Variants in TGM5 observed in about 807,000 individuals in gnomAD.
TGM5 encodes the protein transglutaminase 5.
TGM5 carries 69 observed loss-of-function variants against 77.2 expected under a neutral mutation model. The ratio of observed to expected loss-of-function variants is 0.89; its 90% CI spans 0.74 to 1.09. The LOEUF is 1.09. TGM5 is among the 50% of genes least tolerant of loss of function. The pLI, the probability that TGM5 is intolerant of heterozygous loss-of-function variation, is 0.00. For missense variants in TGM5, 842 were observed against 896.5 expected (o/e 0.94, Z 0.78); for synonymous variants, 346 against 351.8 (o/e 0.98, Z 0.18).
At chr15:43,234,714 C>G (rs1014717944) in intron 11 of TGM5, 55 bp downstream of exon 11, 56 of 1,611,940 alleles carry the variant, frequency 3.5e-5, no homozygotes, top group Admixed American at 2.7e-4. Flanking sequence ...GGGCTTCACC[C>G]CCTCCCCGCC....
At chr15:43,236,338 T>G (rs748562461) in intron 9 of TGM5, among the ~76,000 whole-genome samples, 2 of 152,186 alleles carry the variant, frequency 1.3e-5, no homozygotes, top group Non-Finnish European at 2.9e-5. Flanking sequence ...AGGCATAGAC[T>G]AATTCCTGGA....
intron 1 of TGM5, among the ~76,000 whole-genome samples, chr15:43,265,351 A>G (rs11853991): frequency 0.3 from 45,025 of 152,156 alleles, 7,018 homozygotes; most frequent in Middle Eastern, 0.42. Context: ...TTTACCTAAC[A>G]GTGGAAAAAG....
intron 9 of TGM5, among the ~76,000 whole-genome samples, chr15:43,236,399 G>A (rs1204714532): frequency 6.6e-6 from 1 of 152,188 alleles, no homozygotes; most frequent in Non-Finnish European, 1.5e-5. Context: ...TATGAGAGGA[G>A]GTCTAGGCGT....
chr15:43,243,126 G>A (rs117832164), intron 6 of TGM5, among the ~76,000 whole-genome samples: 350 of 152,334 alleles, frequency 2.3e-3, no homozygotes, highest in Admixed American at 5.3e-3. Flanking sequence ...GCACTTTGAA[G>A]TTCTCCATTA....
chr15:43,235,506 C>G lies in TGM5; in HGVS notation c.1677G>C (p.Trp559Cys). The G allele has an allele frequency of 1.9e-6, 3 of 1,614,140 alleles. No individual in the cohort carries two copies. Among genetic ancestry groups the G allele is most frequent in the Non-Finnish European group, 2.5e-6 (3 of 1,180,026 alleles). ...LHDGSPLSPF[W>C]QDTAFITLSP... is the part of the protein sequence containing the mutation. ...AGAGTGTGATGAACGCTGTGTCCTG[C>G]CAGAATGGGGACAGGGGGCTGCCAT... is the stretch of plus-strand genomic sequence containing the variant. Residue 559 changes from tryptophan to cysteine, a missense_variant, in exon 10 of 13, where the codon TGG becomes TGC. Trp to Cys is a radical substitution (Grantham distance 215). Transcript: ENST00000220420.
intron 1 of TGM5, among the ~76,000 whole-genome samples, chr15:43,260,982 T>C (rs2042781626): frequency 6.6e-6 from 1 of 151,652 alleles, no homozygotes; most frequent in South Asian, 2.1e-4. Context: ...CACTTGCGCC[T>C]GTACTAGCCT....
chr15:43,266,145 A>G (rs2142389672), intron 1 of TGM5, among the ~76,000 whole-genome samples: 1 of 152,362 alleles, frequency 6.6e-6, no homozygotes, highest in African/African-American at 2.4e-5. Flanking sequence ...TACTCCAACT[A>G]TGTATTCCCA....
chr15:43,240,182 C>T (rs1264077845), intron 7 of TGM5, among the ~76,000 whole-genome samples: 1 of 152,130 alleles, frequency 6.6e-6, no homozygotes, highest in Non-Finnish European at 1.5e-5. Context: ...ATCTGACCTA[C>T]CTTGTTTGAC....
chr15:43,263,501 A>T (rs560134), intron 1 of TGM5, among the ~76,000 whole-genome samples: 72,515 of 152,212 alleles, frequency 0.48, 22,088 homozygotes, highest in African/African-American at 0.87. Context: ...AGTCTAGCAA[A>T]AAACTCCCAT....
chr15:43,244,014 C>A (rs2042655652), intron 6 of TGM5, among the ~76,000 whole-genome samples: 1 of 152,096 alleles, frequency 6.6e-6, no homozygotes, highest in African/African-American at 2.4e-5. Flanking sequence ...GATCTCAAAG[C>A]CTCTCATGCT....
intron 7 of TGM5, 52 bp from the exon 8 acceptor site, chr15:43,239,318 C>T (rs377121844): frequency 3.6e-5 from 57 of 1,577,934 alleles, no homozygotes; most frequent in Non-Finnish European, 4.5e-5. Context: ...CTTTCTAGAA[C>T]AAGGCAAGGG....
intron 6 of TGM5, among the ~76,000 whole-genome samples, chr15:43,241,951 T>C (rs951516337): frequency 6.6e-6 from 1 of 152,178 alleles, no homozygotes; most frequent in Non-Finnish European, 1.5e-5. Context: ...CTGTGCTCTT[T>C]TAAGTACAGG....
At chr15:43,261,086 T>TGG (rs1566837499) in intron 1 of TGM5, among the ~76,000 whole-genome samples, 2 of 121,886 alleles carry the variant, frequency 1.6e-5, no homozygotes, top group African/African-American at 6.4e-5. Flanking sequence ...GTTTTTTTTT[T>TGG]TTTTTTTTTT....
Position 43,260,247 on chromosome 15 carries a change from G to C in TGM5, c.241C>G (p.Arg81Gly). The change falls in exon 3 of 13, where the codon CGC becomes GGC. Residue 81 changes from arginine to glycine, a missense_variant. Transcript: ENST00000220420. Reference protein sequence around the residue: ...LGTRAVFSLARHHSPSPWIAW... With the variant: ...LGTRAVFSLAGHHSPSPWIAW... ...ATCCAGGGGCTGGGGCTGTGATGGC[G>C]TGCCAGGCTGAACACAGCCCGAGTC... 1 of 1,613,918 alleles carries C rather than the reference G, an allele frequency of 6.2e-7. No individual in the cohort carries two copies. The highest frequency in any genetic ancestry group is 2.2e-5 in the East Asian group (1 of 44,886).
intron 1 of TGM5, among the ~76,000 whole-genome samples, chr15:43,264,007 T>C (rs897158451): frequency 7.9e-5 from 12 of 152,206 alleles, no homozygotes; most frequent in Non-Finnish European, 1.6e-4. Flanking sequence ...GCAACTGACC[T>C]GAATACACAT....
Position 43,260,301 on chromosome 15 carries a change from G to T in TGM5, c.191-4C>A. Reference sequence around the variant, plus strand: ...AAGGCCAGGTCTGGCAGCGGTCCTAGGAGGGAAGTAGAGCTGAGGCCCTCC... The same window carrying T: ...AAGGCCAGGTCTGGCAGCGGTCCTATGAGGGAAGTAGAGCTGAGGCCCTCC... On this transcript the variant is annotated splice_region_variant and splice_polypyrimidine_tract_variant and intron_variant, in intron 2 of 12. Coordinates refer to ENST00000220420, the MANE Select transcript of TGM5 (RefSeq NM_201631.4). 6.2e-7 allele frequency: 1 copy of T among 1,614,068 alleles called. No individual in the cohort carries two copies. The highest frequency in any genetic ancestry group is 8.5e-7 in the Non-Finnish European group (1 of 1,180,010).
At chr15:43,236,303 C>T (rs575081295) in intron 9 of TGM5, among the ~76,000 whole-genome samples, 1 of 152,292 alleles carries the variant, frequency 6.6e-6, no homozygotes, top group African/African-American at 2.4e-5. Flanking sequence ...GTGTGATGTC[C>T]TGTTCCAGAG....
At chr15:43,244,577 C>T (rs906773289) in intron 6 of TGM5, among the ~76,000 whole-genome samples, 2 of 152,210 alleles carry the variant, frequency 1.3e-5, no homozygotes, top group Non-Finnish European at 2.9e-5. Flanking sequence ...ACAGAGTTAT[C>T]AAGGTATATC....
Position 43,253,234 on chromosome 15 carries a change from G to T in TGM5, c.684+272C>A, listed in dbSNP as rs79129782. On this transcript the variant is annotated intron_variant, in intron 5 of 12. Coordinates refer to ENST00000220420, the MANE Select transcript of TGM5 (RefSeq NM_201631.4). ...GCTTTAAAAAACACTTCAGAAAAGA[G>T]GAAATTTAGAAACAACAAGACCATT... Among the ~76,000 whole-genome samples the T allele has an allele frequency of 3.9e-5, 6 of 152,266 alleles. No individual in the cohort carries two copies. The East Asian group carries it at 1.2e-3, about 29-fold the overall frequency.
Sources: gnomAD v4.1 joint callset for allele counts (sites outside exome capture counted in the v4.1 genomes callset) on GRCh38, gnomAD v4.1.1 for gene constraint, MANE v1.5 for transcripts, NCBI Gene and HGNC (gene_info 2026-07-23, HGNC 2026-07-21) for gene names.